The following GRIP2 variants were observed in gnomAD, a reference collection of about 807,000 sequenced individuals.
The protein encoded by GRIP2 is glutamate receptor-interacting protein 2.
GRIP2 carries 58 observed loss-of-function variants against 108.3 expected under a neutral mutation model. That is an observed-to-expected ratio of 0.54 (90% CI 0.43 to 0.67). GRIP2 has a LOEUF of 0.67. GRIP2 is among the 30% of genes least tolerant of loss of function. The pLI, the probability that GRIP2 is intolerant of heterozygous loss-of-function variation, is 0.00. For synonymous variants in GRIP2, 586 were observed against 598.2 expected (o/e 0.98, Z 0.30); for missense variants, 1,278 against 1,430.6 (o/e 0.89, Z 1.72).
In GRIP2 at chr3:14,506,985, G is replaced by A. The variant is rs1002708044; in HGVS notation, c.2219-5C>T. 11 of 1,593,726 alleles carry A rather than the reference G, an allele frequency of 6.9e-6. No individual in the cohort carries two copies. Among genetic ancestry groups the A allele is most frequent in the Non-Finnish European group, 9.4e-6 (11 of 1,169,538 alleles). ...ACTTGCGGGGTAGGAGGGGACCTGGGAGGAGAGAGGGGTGTCAATTCTGAC... is the reference window on the plus strand; with the variant it reads ...ACTTGCGGGGTAGGAGGGGACCTGGAAGGAGAGAGGGGTGTCAATTCTGAC... On this transcript the variant is annotated splice_polypyrimidine_tract_variant and splice_region_variant and intron_variant, in intron 18 of 23. Coordinates refer to ENST00000621039, the MANE Select transcript of GRIP2 (RefSeq NM_001080423.4).
intron 1 of GRIP2, among the ~76,000 whole-genome samples, chr3:14,549,646 A>C (rs768850768): frequency 3.3e-5 from 5 of 152,210 alleles, no homozygotes; most frequent in Non-Finnish European, 5.9e-5. Context: ...AAATGGGAAC[A>C]TAAGCCTCTA....
In GRIP2 at chr3:14,521,910, G is replaced by A. The variant is rs1231885210; in HGVS notation, c.567-123C>T. On this transcript the variant is annotated intron_variant, in intron 6 of 23. Transcript: ENST00000621039. This position sits in a 1 kb window ranked among gnomAD's most constrained non-coding sequence, Gnocchi z 5.1. ...GCAGGGAATGGGTGGGGGAGGAAGG[G>A]GAGGAGGGGACGGGTGAAGGGGCGC... The A allele has an allele frequency of 3.3e-6, 3 of 908,822 alleles. No homozygotes were observed. The highest frequency in any genetic ancestry group is 4.8e-6 in the Non-Finnish European group (3 of 629,220). 56.3% of individuals were successfully genotyped at this position (908,822 alleles called of 1,614,324 possible).
the GRIP2 span, among the ~76,000 whole-genome samples, chr3:14,582,309 G>A: frequency 1.3e-5 from 2 of 152,190 alleles, no homozygotes; most frequent in Admixed American, 1.3e-4. Context: ...CACTGCTCAA[G>A]TCACTAGCCC....
At chr3:14,546,404 G>C (rs1019814136), upstream of GRIP2, among the ~76,000 whole-genome samples, 1 of 152,286 alleles carries the variant, frequency 6.6e-6, no homozygotes, top group East Asian at 1.9e-4. Flanking sequence ...GGGCTGCAAG[G>C]GTCAGGATGG....
chr3:14,514,667 G>A (rs4684228), intron 11 of GRIP2, among the ~76,000 whole-genome samples, 189 bp from the exon 12 acceptor site: 61,202 of 152,138 alleles, frequency 0.4, 12,914 homozygotes, highest in East Asian at 0.59. Context: ...CAATGGGATC[G>A]TTGATTCCCA....
the GRIP2 span, among the ~76,000 whole-genome samples, chr3:14,586,355 C>T: frequency 6.6e-6 from 1 of 152,338 alleles, no homozygotes; most frequent in South Asian, 2.1e-4. Flanking sequence ...TGTACCCCAG[C>T]ACTTAGTGAC....
At chr3:14,577,093 A>C in the GRIP2 span, among the ~76,000 whole-genome samples, 1 of 152,146 alleles carries the variant, frequency 6.6e-6, no homozygotes, top group Non-Finnish European at 1.5e-5. Context: ...TTCGGCTCCA[A>C]TTCTCTCCCT....
rs1178564756 is a variant in GRIP2, at chr3:14,521,666, C to G, written c.688G>C (p.Val230Leu). Residue 230 changes from valine (V) to leucine (L), a missense_variant, in exon 7 of 24, where the codon GTG becomes CTG. By Grantham distance (32) the Val-to-Leu change is conservative. Transcript: ENST00000621039. The surrounding 1 kb of genome is among the most constrained non-coding windows in gnomAD (Gnocchi z 5.1). ...RQCSHEALFQ[V>L]EYDVATPDTV... ...CCAGGGGTGGCCACATCATACTCCACCTGAAAGAGTGCCTCGTGGCTGCAC... is the reference window on the plus strand; with the variant it reads ...CCAGGGGTGGCCACATCATACTCCAGCTGAAAGAGTGCCTCGTGGCTGCAC... 6.2e-7 allele frequency: 1 copy of G among 1,611,934 alleles called. No homozygotes were observed. Among genetic ancestry groups the G allele is most frequent in the East Asian group, 2.2e-5 (1 of 44,806 alleles).
chr3:14,590,846 C>T, the GRIP2 span, among the ~76,000 whole-genome samples: 1 of 152,282 alleles, frequency 6.6e-6, no homozygotes, highest in Admixed American at 6.5e-5. Context: ...AAATGCAAAC[C>T]CAGGGTTGCC....
chr3:14,580,428 G>A, the GRIP2 span, among the ~76,000 whole-genome samples: 1 of 152,202 alleles, frequency 6.6e-6, no homozygotes, highest in Admixed American at 6.5e-5. Flanking sequence ...GGACGCAATG[G>A]TGCACACTTG....
At chr3:14,553,815 T>G (rs1208753035) in intron 1 of GRIP2, among the ~76,000 whole-genome samples, 1 of 152,168 alleles carries the variant, frequency 6.6e-6, no homozygotes, top group African/African-American at 2.4e-5. Flanking sequence ...TGAGGTTTCA[T>G]TTTCGTGAAT....
At chr3:14,596,071 C>T in the GRIP2 span, among the ~76,000 whole-genome samples, 2 of 152,228 alleles carry the variant, frequency 1.3e-5, no homozygotes, top group African/African-American at 4.8e-5. Context: ...TTAGCAGGGA[C>T]AACAGGAAGC....
At chr3:14,580,013 A>G in the GRIP2 span, among the ~76,000 whole-genome samples, 2 of 152,246 alleles carry the variant, frequency 1.3e-5, no homozygotes, top group South Asian at 4.1e-4. Context: ...GTGGCAGTGT[A>G]TGGCAGCCTC....
At chr3:14,568,557 G>T in the GRIP2 span, among the ~76,000 whole-genome samples, 1 of 152,158 alleles carries the variant, frequency 6.6e-6, no homozygotes, top group Non-Finnish European at 1.5e-5. Flanking sequence ...TGTCATGAGC[G>T]TCTCCTTGGG....
At chr3:14,534,132 G>C (rs1694776587) in intron 1 of GRIP2, among the ~76,000 whole-genome samples, 1 of 152,216 alleles carries the variant, frequency 6.6e-6, no homozygotes, top group Non-Finnish European at 1.5e-5. Flanking sequence ...CCTATTCAGA[G>C]GGGACATAGG....
the GRIP2 span, among the ~76,000 whole-genome samples, chr3:14,579,395 T>C: frequency 1.3e-5 from 2 of 152,192 alleles, no homozygotes; most frequent in East Asian, 3.9e-4. Context: ...TTACTGTATA[T>C]ACATTAGACT....
chr3:14,489,294 A>G lies in GRIP2; in HGVS notation c.*4371T>C, dbSNP rs982519166. 4 of 152,502 alleles carry G rather than the reference A, an allele frequency of 2.6e-5. No individual in the cohort carries two copies. The highest frequency in any genetic ancestry group is 5.9e-5 in the Non-Finnish European group (4 of 68,016). 9.4% of individuals were successfully genotyped at this position (152,502 alleles called of 1,614,324 possible). A position where few individuals can be genotyped will look rare whatever the true frequency, so the allele number is the denominator to read the frequency against. On this transcript the variant is annotated 3_prime_UTR_variant, in exon 24 of 24. Coordinates refer to ENST00000621039, the MANE Select transcript of GRIP2 (RefSeq NM_001080423.4). Reference sequence around the variant, plus strand: ...TTAAATTCATCTTTGCTTTTTTTAGAGGAGTTTGTAATCACCTTATAACAT... The same window carrying G: ...TTAAATTCATCTTTGCTTTTTTTAGGGGAGTTTGTAATCACCTTATAACAT...
At chr3:14,556,599 G>A (rs1486354609), upstream of GRIP2, among the ~76,000 whole-genome samples, 2 of 152,206 alleles carry the variant, frequency 1.3e-5, no homozygotes, top group African/African-American at 4.8e-5. Context: ...AGAGTAGAAC[G>A]AGGAGACCTA....
chr3:14,592,857 C>G, the GRIP2 span, among the ~76,000 whole-genome samples: 3 of 152,190 alleles, frequency 2.0e-5, no homozygotes, highest in Non-Finnish European at 4.4e-5. Flanking sequence ...AAACATGGAG[C>G]CACAATGCTG....
Sources: gnomAD v4.1 joint callset for allele counts (sites outside exome capture counted in the v4.1 genomes callset) on GRCh38, gnomAD v4.1.1 for gene constraint, Gnocchi (gnomAD v3.1) non-coding constraint, MANE v1.5 for transcripts, NCBI Gene and HGNC (gene_info 2026-07-23, HGNC 2026-07-21) for gene names.